GRIP1: variants seen among roughly 807,000 people sequenced by gnomAD.
GRIP1 encodes glutamate receptor-interacting protein 1.
A neutral mutation model predicts 129.9 loss-of-function variants in GRIP1; 45 were observed. That is an observed-to-expected ratio of 0.35 (90% CI 0.27 to 0.44). GRIP1 has a LOEUF of 0.44. GRIP1 is among the 20% of genes least tolerant of loss of function. GRIP1 has a pLI of 1.00. For missense variants in GRIP1, 1,196 were observed against 1,396.8 expected (o/e 0.86, Z 2.29); for synonymous variants, 530 against 520.8 (o/e 1.02, Z -0.24).
At chr12:66,851,979 A>T (rs995315248) in intron 1 of GRIP1, among the ~76,000 whole-genome samples, 3 of 152,080 alleles carry the variant, frequency 2.0e-5, no homozygotes, top group African/African-American at 7.2e-5. Context: ...TGGCACAATT[A>T]ATATTCCTTT....
chr12:66,588,521 C>A (rs969025202), intron 2 of GRIP1, among the ~76,000 whole-genome samples: 2 of 152,208 alleles, frequency 1.3e-5, no homozygotes, highest in African/African-American at 4.8e-5. Flanking sequence ...AGAAGTCAGT[C>A]TTCACATTTC....
intron 1 of GRIP1, among the ~76,000 whole-genome samples, chr12:66,599,054 G>C (rs1479804461): frequency 3.3e-5 from 5 of 152,132 alleles, no homozygotes; most frequent in Non-Finnish European, 7.3e-5. Flanking sequence ...CAACTTCCTT[G>C]ATTTAGAACT....
intron 1 of GRIP1, among the ~76,000 whole-genome samples, chr12:66,711,189 T>TA (rs1375821577): frequency 6.6e-6 from 1 of 151,846 alleles, no homozygotes; most frequent in Admixed American, 6.6e-5. Flanking sequence ...AATGTTTGGT[T>TA]AAAAAATCTA....
At chr12:66,413,026 C>T (rs913418163) in intron 15 of GRIP1, among the ~76,000 whole-genome samples, 4 of 152,068 alleles carry the variant, frequency 2.6e-5, no homozygotes, top group Admixed American at 6.6e-5. Flanking sequence ...TGTAACACCC[C>T]GCTGACAATA....
chr12:66,444,755 T>A, intron 12 of GRIP1, 26 bp from the exon 13 acceptor site: 4 of 1,612,292 alleles, frequency 2.5e-6, no homozygotes, highest in Non-Finnish European at 3.4e-6. Context: ...ATGTGAGAGG[T>A]TGTAGATGGA....
chr12:66,747,164 A>G (rs1265249699), intron 1 of GRIP1, among the ~76,000 whole-genome samples: 1 of 152,204 alleles, frequency 6.6e-6, no homozygotes, highest in Non-Finnish European at 1.5e-5. Context: ...GGAAATGAAC[A>G]TATTAAACAC....
chr12:66,928,253 C>T (rs12830426), intron 1 of GRIP1, among the ~76,000 whole-genome samples: 30,681 of 152,154 alleles, frequency 0.2, 3,329 homozygotes, highest in South Asian at 0.26. Context: ...AACACAGGTA[C>T]ATTTTAAAAT....
intron 5 of GRIP1, among the ~76,000 whole-genome samples, chr12:66,518,660 T>C (rs957499669): frequency 6.6e-6 from 1 of 152,140 alleles, no homozygotes; most frequent in African/African-American, 2.4e-5. Context: ...TAATCTGTGC[T>C]CCCCCAGCGT....
chr12:66,688,917 T>C (rs1362752526), intron 1 of GRIP1, among the ~76,000 whole-genome samples: 4 of 152,126 alleles, frequency 2.6e-5, no homozygotes, highest in Non-Finnish European at 5.9e-5. Context: ...TTGAAGGACA[T>C]TCTTCACTGG....
intron 1 of GRIP1, among the ~76,000 whole-genome samples, chr12:66,633,864 C>T (rs2031088903): frequency 1.3e-5 from 2 of 152,146 alleles, no homozygotes; most frequent in Non-Finnish European, 2.9e-5. Flanking sequence ...AAATAACATC[C>T]TTTAAGCACA....
chr12:66,540,971 T>A (rs1244915829), intron 3 of GRIP1, among the ~76,000 whole-genome samples: 1 of 151,948 alleles, frequency 6.6e-6, no homozygotes, highest in Non-Finnish European at 1.5e-5. Context: ...GCTTTTTTTT[T>A]TTAATTTTTT....
chr12:66,837,980 G>T (rs1468994450), intron 1 of GRIP1, among the ~76,000 whole-genome samples: 1 of 152,166 alleles, frequency 6.6e-6, no homozygotes, highest in Non-Finnish European at 1.5e-5. Context: ...GATCACCTGA[G>T]GTCAGGAGTT....
chr12:66,585,092 CT>C (rs1355677788), intron 2 of GRIP1, among the ~76,000 whole-genome samples: 8 of 131,204 alleles, frequency 6.1e-5, no homozygotes, highest in African/African-American at 2.2e-4. Context: ...AGATATACTT[CT>C]TTTTTTTCCT....
chr12:66,680,795 T>C (rs1038465759), upstream of GRIP1, among the ~76,000 whole-genome samples: 6 of 152,150 alleles, frequency 3.9e-5, no homozygotes, highest in African/African-American at 1.4e-4. Context: ...CAATTACTAT[T>C]AGTAGAATCT....
chr12:66,918,219 C>T (rs1285250373), intron 1 of GRIP1, among the ~76,000 whole-genome samples: 1 of 151,880 alleles, frequency 6.6e-6, no homozygotes, highest in Non-Finnish European at 1.5e-5. Flanking sequence ...GGCTTAAGAC[C>T]CAAGAGGAGC....
intron 15 of GRIP1, among the ~76,000 whole-genome samples, chr12:66,410,249 CA>C (rs1177155122): frequency 0.27 from 12,496 of 46,564 alleles, 301 homozygotes; most frequent in East Asian, 0.39. Flanking sequence ...GACTCCGTCT[CA>C]AAAAAAAAAA....
chr12:66,982,345 G>A (rs1018936148), intron 1 of GRIP1, among the ~76,000 whole-genome samples: 1 of 152,094 alleles, frequency 6.6e-6, no homozygotes, highest in Non-Finnish European at 1.5e-5. Context: ...GGCTCTTAAT[G>A]TTCCCCACCT....
chr12:66,807,724 T>A (rs2039022556), upstream of GRIP1, among the ~76,000 whole-genome samples: 1 of 151,762 alleles, frequency 6.6e-6, no homozygotes, highest in Non-Finnish European at 1.5e-5. Flanking sequence ...AGATGCTCAC[T>A]CCCCCTTTGC....
intron 9 of GRIP1, among the ~76,000 whole-genome samples, chr12:66,461,868 C>A (rs1411066770): frequency 6.6e-6 from 1 of 152,178 alleles, no homozygotes; most frequent in African/African-American, 2.4e-5. Flanking sequence ...AATGCATTAT[C>A]CTCCTTCAGG....
Sources: gnomAD v4.1 joint callset for allele counts (sites outside exome capture counted in the v4.1 genomes callset) on GRCh38, gnomAD v4.1.1 for gene constraint, MANE v1.5 for transcripts, NCBI Gene and HGNC (gene_info 2026-07-23, HGNC 2026-07-21) for gene names.